STOX2: variants seen among roughly 807,000 people sequenced by gnomAD.
STOX2 encodes storkhead box 2, also known as storkhead-box protein 2.
Under a neutral mutation model 60.9 loss-of-function variants are expected in STOX2, and 28 were observed. That is an observed-to-expected ratio of 0.46 (90% CI 0.34 to 0.63). The LOEUF is 0.63. Ranked by LOEUF, STOX2 falls within the 30% of genes least tolerant of loss-of-function variation. STOX2 has a pLI of 0.01. For missense variants in STOX2, 1,024 were observed against 1,187.7 expected, an observed-to-expected ratio of 0.86 and a Z score of 2.03; for synonymous variants, 472 against 463.9, an observed-to-expected ratio of 1.02 and a Z score of -0.22.
intron 1 of STOX2, among the ~76,000 whole-genome samples, chr4:183,888,719 T>G (rs1271590964): frequency 6.6e-6 from 1 of 152,076 alleles, no homozygotes; most frequent in Non-Finnish European, 1.5e-5. Flanking sequence ...GTTTGCAGAG[T>G]CTGCACAGGA....
chr4:183,842,563 A>C (rs1739886716), intron 1 of STOX2, among the ~76,000 whole-genome samples: 1 of 152,212 alleles, frequency 6.6e-6, no homozygotes, highest in African/African-American at 2.4e-5. Flanking sequence ...TATATATTTA[A>C]TAAAGTATAC....
At chr4:183,931,899 A>C (rs935506567) in intron 1 of STOX2, among the ~76,000 whole-genome samples, 1 of 152,200 alleles carries the variant, frequency 6.6e-6, no homozygotes, top group African/African-American at 2.4e-5. Flanking sequence ...CTAGAGAGCA[A>C]TATAATAAAA....
At chr4:183,819,171 C>T (rs1205689550) in intron 1 of STOX2, among the ~76,000 whole-genome samples, 1 of 152,170 alleles carries the variant, frequency 6.6e-6, no homozygotes, top group Non-Finnish European at 1.5e-5. Flanking sequence ...GCAATCTTGG[C>T]ACTTTGGGAG....
intron 1 of STOX2, among the ~76,000 whole-genome samples, chr4:183,807,220 T>C (rs566525129): frequency 2.6e-5 from 4 of 152,198 alleles, no homozygotes; most frequent in African/African-American, 4.8e-5. Context: ...GATCTGCCCG[T>C]CTTGGCCTCC....
chr4:183,983,527 G>T (rs1264989260), intron 1 of STOX2, among the ~76,000 whole-genome samples: 1 of 152,222 alleles, frequency 6.6e-6, no homozygotes, highest in Non-Finnish European at 1.5e-5. Context: ...AAAAGGAAGA[G>T]AATCTTGACA....
At chr4:183,898,917 C>T (rs539419219) in intron 1 of STOX2, among the ~76,000 whole-genome samples, 6 of 152,292 alleles carry the variant, frequency 3.9e-5, no homozygotes, top group African/African-American at 1.4e-4. Flanking sequence ...GCAGATATTG[C>T]ATTTTTTACA....
At chr4:183,911,746 C>T (rs1035054964) in intron 1 of STOX2, among the ~76,000 whole-genome samples, 3 of 152,190 alleles carry the variant, frequency 2.0e-5, no homozygotes, top group South Asian at 2.1e-4. Flanking sequence ...CTTTGGTACA[C>T]GGTTGCTTAG....
chr4:183,932,471 A>G (rs1211391118), intron 1 of STOX2, among the ~76,000 whole-genome samples: 1 of 106,544 alleles, frequency 9.4e-6, no homozygotes, highest in Non-Finnish European at 1.8e-5. Flanking sequence ...CAGTATATGT[A>G]TGTATACATA....
intron 1 of STOX2, among the ~76,000 whole-genome samples, chr4:183,898,692 A>G (rs1741395127): frequency 6.6e-6 from 1 of 152,130 alleles, no homozygotes; most frequent in Non-Finnish European, 1.5e-5. Context: ...TAAGGAGGAG[A>G]GCCTGTAGAG....
At chr4:183,973,421 A>G (rs1373127563) in intron 1 of STOX2, among the ~76,000 whole-genome samples, 1 of 152,216 alleles carries the variant, frequency 6.6e-6, no homozygotes, top group Non-Finnish European at 1.5e-5. Context: ...TAATAGAACA[A>G]GTTGAATGAC....
At chr4:183,848,237 G>A (rs1283670503) in intron 1 of STOX2, among the ~76,000 whole-genome samples, 1 of 152,164 alleles carries the variant, frequency 6.6e-6, no homozygotes, top group African/African-American at 2.4e-5. Context: ...CAAGAACTCA[G>A]GTGCTGTTGA....
intron 1 of STOX2, among the ~76,000 whole-genome samples, chr4:183,945,409 A>G (rs1439830471): frequency 6.9e-6 from 1 of 144,354 alleles, no homozygotes; most frequent in Non-Finnish European, 1.5e-5. Flanking sequence ...TTAATTGATT[A>G]TTTATTGATT....
At chr4:184,002,217 G>A (rs760433075) in intron 2 of STOX2, among the ~76,000 whole-genome samples, 1 of 152,198 alleles carries the variant, frequency 6.6e-6, no homozygotes, top group Non-Finnish European at 1.5e-5. Flanking sequence ...TTGTGTGTGT[G>A]TATATGTTTT....
intron 1 of STOX2, among the ~76,000 whole-genome samples, chr4:183,984,592 G>A (rs1273979506): frequency 2.6e-5 from 4 of 152,148 alleles, no homozygotes; most frequent in African/African-American, 9.7e-5. Flanking sequence ...TTGATTTAAT[G>A]GTATTTATTG....
intron 1 of STOX2, among the ~76,000 whole-genome samples, chr4:183,939,429 T>G (rs1035767364): frequency 8.5e-5 from 13 of 152,218 alleles, no homozygotes; most frequent in African/African-American, 2.9e-4. Context: ...GTTGTTGGAT[T>G]GAGGGCTCAC....
intron 1 of STOX2, among the ~76,000 whole-genome samples, chr4:183,833,592 G>A (rs1344448508): frequency 1.3e-5 from 2 of 151,768 alleles, no homozygotes; most frequent in Non-Finnish European, 2.9e-5. Flanking sequence ...AGGCGGGATC[G>A]GGGCTGATGA....
At chr4:183,871,944 A>G (rs1007832721) in intron 1 of STOX2, among the ~76,000 whole-genome samples, 2 of 152,142 alleles carry the variant, frequency 1.3e-5, no homozygotes, top group African/African-American at 4.8e-5. Context: ...TAAGGATGAA[A>G]ATTTGCGCCT....
At chr4:183,832,382 T>C (rs929668529) in intron 1 of STOX2, among the ~76,000 whole-genome samples, 8 of 152,148 alleles carry the variant, frequency 5.3e-5, no homozygotes, top group African/African-American at 1.9e-4. Context: ...TTATCTCTGT[T>C]AGAGAAGACT....
chr4:183,903,612 T>G (rs986182744), upstream of STOX2, among the ~76,000 whole-genome samples: 1 of 152,234 alleles, frequency 6.6e-6, no homozygotes, highest in South Asian at 2.1e-4. Flanking sequence ...ACTATCACAG[T>G]TGCCACAGCA....
Sources: gnomAD v4.1 joint callset for allele counts (sites outside exome capture counted in the v4.1 genomes callset) on GRCh38, gnomAD v4.1.1 for gene constraint, MANE v1.5 for transcripts, NCBI Gene and HGNC (gene_info 2026-07-23, HGNC 2026-07-21) for gene names.